Variants in ADTRP observed in about 807,000 individuals in gnomAD.
ADTRP encodes androgen-dependent TFPI-regulating protein.
A neutral mutation model predicts 27.0 loss-of-function variants in ADTRP; 20 were observed. The ratio of observed to expected loss-of-function variants is 0.74; its 90% CI spans 0.52 to 1.08. The LOEUF is 1.08. Ranked by LOEUF, ADTRP falls within the 50% of genes least tolerant of loss-of-function variation. The pLI is 0.00. For missense variants in ADTRP, 251 were observed against 275.0 expected, an observed-to-expected ratio of 0.91 and a Z score of 0.62; for synonymous variants, 101 against 105.2, an observed-to-expected ratio of 0.96 and a Z score of 0.25.
chr6:11,723,578 A>G, intron 4 of ADTRP, 78 bp from the exon 5 acceptor site: 2 of 1,530,456 alleles, frequency 1.3e-6, no homozygotes, highest in Non-Finnish European at 1.8e-6. Context: ...TTAATGAGGT[A>G]CTGGTACCCA....
chr6:11,726,317 G>C (rs1762198477), intron 4 of ADTRP, among the ~76,000 whole-genome samples: 1 of 152,162 alleles, frequency 6.6e-6, no homozygotes, highest in Non-Finnish European at 1.5e-5. Flanking sequence ...TTGGTCCTGC[G>C]TGTGTTGGTG....
intron 1 of ADTRP, among the ~76,000 whole-genome samples, chr6:11,776,722 G>A (rs1469426832): frequency 3.3e-5 from 5 of 152,180 alleles, no homozygotes; most frequent in Admixed American, 6.5e-5. Context: ...GAAGCCCAAG[G>A]ACCAATACTA....
At chr6:11,770,989 C>T (rs941845987) in intron 1 of ADTRP, among the ~76,000 whole-genome samples, 31 of 152,214 alleles carry the variant, frequency 2.0e-4, no homozygotes, top group Non-Finnish European at 3.5e-4. Context: ...CGCCTCCGCC[C>T]GGCGTGTGAA....
chr6:11,721,265 G>A (rs944536020), intron 5 of ADTRP, among the ~76,000 whole-genome samples: 2 of 152,160 alleles, frequency 1.3e-5, no homozygotes, highest in Non-Finnish European at 2.9e-5. Context: ...CAACGTGGAG[G>A]GAAAACCAGC....
In ADTRP at chr6:11,769,998, G is replaced by C. The variant is rs532158096; in HGVS notation, c.154-1615C>G. ...CCAAGTCCTATCATTAGACTCCCCCGCCCACCACCATTTTACAAACGAGGA... is the reference window on the plus strand; with the variant it reads ...CCAAGTCCTATCATTAGACTCCCCCCCCCACCACCATTTTACAAACGAGGA... On this transcript the variant is annotated intron_variant, in intron 1 of 5. Transcript: ENST00000414691. The C allele has an allele frequency of 3.4e-3, 5,328 of 1,550,278 alleles. 10 individuals are homozygous for C. Among genetic ancestry groups the C allele is most frequent in the Admixed American group, 5.8e-3 (296 of 50,976 alleles).
At chr6:11,759,558 T>C (rs886996330) in intron 3 of ADTRP, among the ~76,000 whole-genome samples, 6 of 152,164 alleles carry the variant, frequency 3.9e-5, no homozygotes, top group Non-Finnish European at 2.9e-5. Context: ...TTTTGCTATA[T>C]GTAGTGTAAG....
chr6:11,749,274 C>G (rs1004239591), intron 3 of ADTRP, among the ~76,000 whole-genome samples: 2 of 151,960 alleles, frequency 1.3e-5, no homozygotes, highest in African/African-American at 2.4e-5. Flanking sequence ...ATGCTCAGAA[C>G]AGATGAGAAT....
Position 11,744,992 on chromosome 6 carries a change from C to T in ADTRP, c.391-9309G>A, listed in dbSNP as rs568167338. On this transcript the variant is annotated intron_variant, in intron 3 of 5. Transcript: ENST00000414691. ...CTCAGGGGCACAGTTCCAAACCTTC[C>T]GCATGACTGATCCCATGACAGATGT... 5.3e-5 allele frequency among the ~76,000 whole-genome samples: 8 copies of T among 152,290 alleles called. No homozygotes were observed. The South Asian group carries it at 6.2e-4, about 12-fold the overall frequency.
At chr6:11,733,708 G>A (rs774536501) in intron 4 of ADTRP, among the ~76,000 whole-genome samples, 1 of 152,150 alleles carries the variant, frequency 6.6e-6, no homozygotes, top group Non-Finnish European at 1.5e-5. Flanking sequence ...AGTGCCTGGC[G>A]CTGGTGAACC....
chr6:11,726,809 A>G (rs1241658506), intron 4 of ADTRP, among the ~76,000 whole-genome samples: 1 of 152,200 alleles, frequency 6.6e-6, no homozygotes, highest in Admixed American at 6.5e-5. Context: ...TAAAATCGTT[A>G]AAGTTGTAAA....
At chr6:11,714,962 G>C (rs993056355) in intron 5 of ADTRP, among the ~76,000 whole-genome samples, 1 of 152,204 alleles carries the variant, frequency 6.6e-6, no homozygotes, top group Non-Finnish European at 1.5e-5. Context: ...GAATTCATCA[G>C]CCTGGTGGAA....
At chr6:11,716,828 C>T (rs1761846921) in intron 5 of ADTRP, among the ~76,000 whole-genome samples, 1 of 150,914 alleles carries the variant, frequency 6.6e-6, no homozygotes, top group Non-Finnish European at 1.5e-5. Flanking sequence ...GTTTCTCCCA[C>T]CTCTCAGCCT....
chr6:11,742,652 C>A (rs1035774353), intron 3 of ADTRP, among the ~76,000 whole-genome samples: 3 of 152,182 alleles, frequency 2.0e-5, no homozygotes, highest in African/African-American at 7.2e-5. Context: ...CGAGACTAAG[C>A]CTCATAGTGA....
At chr6:11,731,766 T>A (rs210894) in intron 4 of ADTRP, among the ~76,000 whole-genome samples, 64,075 of 151,696 alleles carry the variant, frequency 0.42, 14,563 homozygotes, top group African/African-American at 0.58. Context: ...GTGTTTTTTT[T>A]ATGAGGTTTT....
chr6:11,760,072 C>T (rs908411521), intron 3 of ADTRP, among the ~76,000 whole-genome samples: 2 of 152,304 alleles, frequency 1.3e-5, no homozygotes, highest in South Asian at 2.1e-4. Flanking sequence ...GACCTCCAAA[C>T]GTTAAGATAA....
intron 1 of ADTRP, among the ~76,000 whole-genome samples, chr6:11,771,455 G>C (rs1037438220): frequency 6.6e-6 from 1 of 152,228 alleles, no homozygotes; most frequent in East Asian, 1.9e-4. Flanking sequence ...CACGGAGAGC[G>C]AGAGAGCCTC....
At chr6:11,743,168 T>C (rs1236812799) in intron 3 of ADTRP, among the ~76,000 whole-genome samples, 1 of 152,244 alleles carries the variant, frequency 6.6e-6, no homozygotes, top group African/African-American at 2.4e-5. Flanking sequence ...AGTATTCCAT[T>C]TGGTTTTTCA....
intron 4 of ADTRP, among the ~76,000 whole-genome samples, chr6:11,732,873 C>T (rs773824185): frequency 1.3e-5 from 2 of 152,240 alleles, no homozygotes; most frequent in Non-Finnish European, 2.9e-5. Context: ...AAGCTTTGTG[C>T]ATGCCCATCC....
intron 4 of ADTRP, among the ~76,000 whole-genome samples, chr6:11,727,108 C>T (rs1417300500): frequency 8.5e-5 from 13 of 152,146 alleles, no homozygotes; most frequent in African/African-American, 1.9e-4. Flanking sequence ...CTGCAAGCTC[C>T]GCTTCCTGGG....
Sources: gnomAD v4.1 joint callset for allele counts (sites outside exome capture counted in the v4.1 genomes callset) on GRCh38, gnomAD v4.1.1 for gene constraint, MANE v1.5 for transcripts, NCBI Gene and HGNC (gene_info 2026-07-23, HGNC 2026-07-21) for gene names.